Variants in CECR2 observed in about 807,000 individuals in gnomAD.
CECR2 encodes CECR2 histone acetyl-lysine reader.
CECR2 carries 30 observed loss-of-function variants against 154.5 expected under a neutral mutation model. The observed-to-expected ratio is 0.19, with a 90% confidence interval of 0.15 to 0.26. The LOEUF (loss-of-function observed/expected upper bound fraction) is 0.26, where lower values mean the gene tolerates loss of function less well. Among genes scored for constraint, CECR2 ranks in the 10% least tolerant of loss-of-function variants. CECR2 has a pLI of 1.00. For missense variants in CECR2, 1,743 were observed against 1,829.3 expected, an observed-to-expected ratio of 0.95 and a Z score of 0.86; for synonymous variants, 725 against 683.7, an observed-to-expected ratio of 1.06 and a Z score of -0.94.
chr22:17,405,419 A>AATAAG (rs576598412), intron 1 of CECR2, among the ~76,000 whole-genome samples: 1 of 151,384 alleles, frequency 6.6e-6, no homozygotes, highest in East Asian at 1.9e-4. Flanking sequence ...TCTCAAATAA[A>AATAAG]ATAAGATAAG....
At chr22:17,502,936 C>T (rs1440135668) in intron 5 of CECR2, 146 bp from the exon 6 acceptor site, 3 of 637,578 alleles carry the variant, frequency 4.7e-6, no homozygotes, top group South Asian at 4.3e-5. Flanking sequence ...ATTTATTCAG[C>T]GTTCCGCCTC....
At chr22:17,500,155 G>A (rs551766894) in intron 4 of CECR2, among the ~76,000 whole-genome samples, 210 of 149,786 alleles carry the variant, frequency 1.4e-3, no homozygotes, top group African/African-American at 4.8e-3. Context: ...ATCTTGCAGT[G>A]AGCCGAGATC....
chr22:17,473,296 A>G (rs1460729720), intron 1 of CECR2, among the ~76,000 whole-genome samples: 2 of 152,188 alleles, frequency 1.3e-5, no homozygotes, highest in Non-Finnish European at 2.9e-5. Context: ...CTCACAGCTC[A>G]ATGCTCACAG....
At chr22:17,421,991 G>A (rs1010366506) in intron 1 of CECR2, among the ~76,000 whole-genome samples, 1 of 151,568 alleles carries the variant, frequency 6.6e-6, no homozygotes, top group Non-Finnish European at 1.5e-5. Flanking sequence ...AGAATTCTAG[G>A]TTGGTGGGTT....
At position 17,463,465 on chromosome 22, in the gene CECR2, G is replaced by A. The variant is rs112747151; in HGVS notation, c.127-14123G>A. Among the ~76,000 whole-genome samples, 794 of 152,284 alleles carry A rather than the reference G, an allele frequency of 5.2e-3. 3 individuals are homozygous for A. The highest frequency in any genetic ancestry group is 7.9e-3 in the Admixed American group (121 of 15,296). Reference sequence around the variant, plus strand: ...CTCAGACAAATGGGCCATGGAGATGGTGTGAGAAGAGAGGGGTTTCTGAAT... The same window carrying A: ...CTCAGACAAATGGGCCATGGAGATGATGTGAGAAGAGAGGGGTTTCTGAAT... On this transcript the variant is annotated intron_variant, in intron 1 of 18. Coordinates refer to ENST00000262608, the MANE Select transcript of CECR2 (RefSeq NM_001290047.2).
intron 8 of CECR2, among the ~76,000 whole-genome samples, chr22:17,514,751 G>C (rs2056019816): frequency 1.3e-5 from 2 of 152,006 alleles, no homozygotes; most frequent in Non-Finnish European, 1.5e-5. Flanking sequence ...ACAGACTTGT[G>C]GGCCAGGCGC....
intron 8 of CECR2, among the ~76,000 whole-genome samples, chr22:17,514,487 C>T (rs1238240648): frequency 1.3e-5 from 2 of 152,158 alleles, no homozygotes; most frequent in Non-Finnish European, 2.9e-5. Context: ...GTAAAGCATT[C>T]CTACACCAAC....
chr22:17,481,941 C>T (rs1382466102), intron 2 of CECR2, among the ~76,000 whole-genome samples: 1 of 151,120 alleles, frequency 6.6e-6, no homozygotes, highest in African/African-American at 2.4e-5. Context: ...ACAGTGAAAC[C>T]CCATCTCTAC....
chr22:17,486,226 G>A (rs140695023), intron 2 of CECR2, among the ~76,000 whole-genome samples: 1,774 of 152,288 alleles, frequency 0.012, 41 homozygotes, highest in African/African-American at 0.041. Context: ...ATCAAGTACA[G>A]TTTATTTTTT....
intron 1 of CECR2, among the ~76,000 whole-genome samples, chr22:17,431,725 T>C (rs746262627): frequency 5.9e-5 from 9 of 152,182 alleles, no homozygotes; most frequent in Non-Finnish European, 1.2e-4. Context: ...GTAATTCTTA[T>C]TGATGCGTGT....
At position 17,540,648 on chromosome 22, in the gene CECR2, C is replaced by T; in HGVS notation, c.1732C>T (p.Pro578Ser). The T allele has an allele frequency of 1.2e-6, 2 of 1,613,782 alleles. No individual in the cohort carries two copies. Among genetic ancestry groups the T allele is most frequent in the South Asian group, 2.2e-5 (2 of 90,982 alleles). Residue 578 changes from proline (P) to serine (S), a missense_variant, in exon 14 of 19, where the codon CCC becomes TCC. Coordinates refer to ENST00000262608, the MANE Select transcript of CECR2 (RefSeq NM_001290047.2). The part of the protein sequence containing the change: ...QPMENGGKSL[P>S]PTRRAPSSGD... The stretch of plus-strand genomic sequence containing the variant: ...CATGGAGAATGGAGGAAAGTCGTTG[C>T]CCCCCACACGCCGAGCGCCCTCTTC...
At chr22:17,449,624 GGA>G (rs1464228734) in intron 1 of CECR2, among the ~76,000 whole-genome samples, 2 of 151,324 alleles carry the variant, frequency 1.3e-5, no homozygotes, top group Non-Finnish European at 2.9e-5. Flanking sequence ...CGAGTAGCTG[GGA>G]CTACAGGCGC....
rs1186164619 is a variant in CECR2, at chr22:17,540,584, CTCCAGGGACCCAGAAGGG to C, written c.1674_1691del (p.Arg558_Ser563del). Reference sequence around the variant, plus strand: ...GTGGTGGGAGCCATGTTTGGACCCGCTCCAGGGACCCAGAAGGGTCCAGCAGGAAACAGCAGCCCATGG... The same window carrying C: ...GTGGTGGGAGCCATGTTTGGACCCGCTCCAGCAGGAAACAGCAGCCCATGG... On this transcript the variant is annotated inframe_deletion, in exon 14 of 19. Transcript: ENST00000262608. 3.1e-6 allele frequency: 5 copies of C among 1,613,230 alleles called. No individual in the cohort carries two copies. Among genetic ancestry groups the C allele is most frequent in the Non-Finnish European group, 4.2e-6 (5 of 1,179,560 alleles).
At chr22:17,432,620 C>G (rs961416053) in intron 1 of CECR2, among the ~76,000 whole-genome samples, 1 of 152,130 alleles carries the variant, frequency 6.6e-6, no homozygotes, top group Non-Finnish European at 1.5e-5. Flanking sequence ...TCCACATCCT[C>G]GCCAACACTT....
intron 1 of CECR2, among the ~76,000 whole-genome samples, chr22:17,426,635 G>A (rs1370840339): frequency 6.6e-6 from 1 of 152,242 alleles, no homozygotes; most frequent in Non-Finnish European, 1.5e-5. Flanking sequence ...GGGATTACAG[G>A]CGTGAGCCAC....
intron 1 of CECR2, among the ~76,000 whole-genome samples, chr22:17,381,105 G>T (rs922704419): frequency 1.3e-5 from 2 of 149,852 alleles, no homozygotes; most frequent in Non-Finnish European, 3.0e-5. Context: ...GGGGGTGGGC[G>T]GGGGGGAAGG....
chr22:17,545,842 CAAAAAA>C (rs112121132), intron 16 of CECR2, among the ~76,000 whole-genome samples: 1 of 89,586 alleles, frequency 1.1e-5, no homozygotes, highest in Non-Finnish European at 2.4e-5. Flanking sequence ...GACTCCGTCT[CAAAAAA>C]AAAAAAAAAA....
Position 17,481,234 on chromosome 22 carries a change from T to C in CECR2, c.221+3552T>C, listed in dbSNP as rs1463375443. Among the ~76,000 whole-genome samples the C allele has an allele frequency of 4.0e-5, 6 of 148,984 alleles. No individual in the cohort carries two copies. In the South Asian group the frequency reaches 8.5e-4, roughly 21 times the overall value. On this transcript the variant is annotated intron_variant, in intron 2 of 18. Coordinates refer to ENST00000262608, the MANE Select transcript of CECR2 (RefSeq NM_001290047.2). ...GGTGGGCGCCTGTAGTCCCAGCTAC[T>C]TGGGAGGCTGAGGCATGAGAATGGC... is the stretch of plus-strand genomic sequence containing the variant.
At chr22:17,412,858 C>T (rs530115391) in intron 1 of CECR2, among the ~76,000 whole-genome samples, 4 of 152,250 alleles carry the variant, frequency 2.6e-5, no homozygotes, top group East Asian at 3.9e-4. Flanking sequence ...CGTGGCAGTG[C>T]GGGTGCGGCC....
Sources: allele counts gnomAD v4.1 joint callset (sites outside exome capture counted in the v4.1 genomes callset), GRCh38; gene constraint gnomAD v4.1.1; transcripts MANE v1.5; gene names NCBI Gene and HGNC (gene_info 2026-07-23, HGNC 2026-07-21).